SLTM: variants seen among roughly 807,000 people sequenced by gnomAD.
SLTM encodes the protein SAFB like transcription modulator.
SLTM carries 43 observed loss-of-function variants against 134.6 expected under a neutral mutation model. The ratio of observed to expected loss-of-function variants is 0.32; its 90% CI spans 0.25 to 0.41. The LOEUF (loss-of-function observed/expected upper bound fraction) is 0.41. Among genes scored for constraint, SLTM ranks in the 10% least tolerant of loss-of-function variants. The pLI is 1.00. For missense variants in SLTM, 1,055 were observed against 1,288.8 expected (o/e 0.82, Z 2.78); for synonymous variants, 424 against 432.3 (o/e 0.98, Z 0.24).
chr15:58,913,910 T>C, intron 3 of SLTM: 1 of 445,510 alleles, frequency 2.2e-6, no homozygotes, highest in Non-Finnish European at 4.0e-6. Flanking sequence ...CTCAAATTTC[T>C]CACACTAAAA....
At chr15:58,888,609 G>A (rs181429523) in intron 16 of SLTM, 54 bp from the exon 17 acceptor site, 6 of 1,571,558 alleles carry the variant, frequency 3.8e-6, no homozygotes, top group East Asian at 2.2e-5. Context: ...GTAATCAAAC[G>A]ACATTTACTT....
intron 5 of SLTM, among the ~76,000 whole-genome samples, 185 bp downstream of exon 5, chr15:58,912,378 C>T (rs1451594438): frequency 3.9e-5 from 6 of 152,094 alleles, no homozygotes; most frequent in South Asian, 2.1e-4. Flanking sequence ...GGATTACAGG[C>T]GTGAGCTACC....
intron 1 of SLTM, 67 bp from the exon 2 acceptor site, chr15:58,932,510 A>T: frequency 7.9e-7 from 1 of 1,270,096 alleles, no homozygotes; most frequent in Non-Finnish European, 1.1e-6. Flanking sequence ...AAACGAAATG[A>T]AAAAAAATTT....
chr15:58,912,712 A>G (rs538562045), intron 4 of SLTM, 102 bp from the exon 5 acceptor site: 23 of 934,432 alleles, frequency 2.5e-5, no homozygotes, highest in Admixed American at 1.2e-4. Context: ...TGTGTTCTGT[A>G]TAATATCTGC....
chr15:58,930,655 A>G (rs1264702441), intron 2 of SLTM, among the ~76,000 whole-genome samples: 1 of 151,416 alleles, frequency 6.6e-6, no homozygotes, highest in Non-Finnish European at 1.5e-5. Flanking sequence ...TTGAGGCTGC[A>G]AAGAGCTAGG....
chr15:58,910,959 T>G (rs2036229409), intron 5 of SLTM, among the ~76,000 whole-genome samples: 5 of 152,044 alleles, frequency 3.3e-5, no homozygotes, highest in Admixed American at 2.6e-4. Context: ...TTGGCCAGGC[T>G]TGTCTCCAAC....
At chr15:58,931,671 C>A (rs1401350638) in intron 2 of SLTM, among the ~76,000 whole-genome samples, 2 of 152,188 alleles carry the variant, frequency 1.3e-5, no homozygotes, top group African/African-American at 2.4e-5. Context: ...AAGTTCCATT[C>A]ATACTGCAAA....
intron 5 of SLTM, 123 bp from the exon 6 acceptor site, chr15:58,901,410 A>AATAATAT: frequency 1.4e-6 from 1 of 733,130 alleles, no homozygotes; most frequent in Non-Finnish European, 2.3e-6. Context: ...GGGATACCTA[A>AATAATAT]CACTAACAAA....
At chr15:58,920,032 G>A (rs2036911353) in intron 2 of SLTM, among the ~76,000 whole-genome samples, 1 of 152,064 alleles carries the variant, frequency 6.6e-6, no homozygotes, top group African/African-American at 2.4e-5. Flanking sequence ...AATTATCTTT[G>A]AGGCCGGGCG....
intron 14 of SLTM, 104 bp downstream of exon 14, chr15:58,892,793 A>G (rs1330638487): frequency 1.6e-6 from 2 of 1,223,452 alleles, no homozygotes; most frequent in East Asian, 2.4e-5. Context: ...TTAAGGTGGC[A>G]AACAGTTTTC....
At chr15:58,919,192 C>T (rs182245178) in intron 2 of SLTM, among the ~76,000 whole-genome samples, 1 of 152,164 alleles carries the variant, frequency 6.6e-6, no homozygotes, top group Non-Finnish European at 1.5e-5. Context: ...GGATAACAGG[C>T]GTGAGCCACC....
intron 17 of SLTM, 105 bp downstream of exon 17, chr15:58,888,280 G>A: frequency 1.1e-6 from 1 of 932,098 alleles, no homozygotes; most frequent in South Asian, 2.0e-5. Context: ...AAATTGTTCT[G>A]AGCATTCAGT....
chr15:58,928,169 G>A (rs1443515779), intron 2 of SLTM, among the ~76,000 whole-genome samples: 1 of 152,140 alleles, frequency 6.6e-6, no homozygotes, highest in African/African-American at 2.4e-5. Flanking sequence ...ATACTGTACT[G>A]ATTAACCACA....
At chr15:58,897,076 G>A (rs1210608853) in intron 9 of SLTM, 39 bp downstream of exon 9, 1 of 1,179,364 alleles carries the variant, frequency 8.5e-7, no homozygotes, top group Admixed American at 1.7e-5. Flanking sequence ...TTCAAATGCA[G>A]ACACCAGAAA....
At chr15:58,912,096 A>G (rs2036312043) in intron 5 of SLTM, among the ~76,000 whole-genome samples, 1 of 151,576 alleles carries the variant, frequency 6.6e-6, no homozygotes, top group South Asian at 2.1e-4. Context: ...TTCAGCTGCC[A>G]ATAGTTTTTT....
intron 9 of SLTM, among the ~76,000 whole-genome samples, chr15:58,896,419 G>A (rs2035083273): frequency 6.6e-6 from 1 of 152,068 alleles, no homozygotes; most frequent in Non-Finnish European, 1.5e-5. Context: ...AATTAGCCCA[G>A]TGCAGTTGCT....
At chr15:58,884,594 G>T (rs1056878319) in intron 19 of SLTM, among the ~76,000 whole-genome samples, 1 of 152,088 alleles carries the variant, frequency 6.6e-6, no homozygotes, top group South Asian at 2.1e-4. Context: ...TGGGATTACA[G>T]GTGTGAGCCA....
chr15:58,931,888 G>C (rs761041409), intron 2 of SLTM, among the ~76,000 whole-genome samples: 1 of 151,990 alleles, frequency 6.6e-6, no homozygotes, highest in Non-Finnish European at 1.5e-5. Context: ...AAAATTAGGA[G>C]GTATAATGGC....
intron 2 of SLTM, among the ~76,000 whole-genome samples, chr15:58,919,853 CAA>C (rs2036898564): frequency 6.6e-6 from 1 of 152,072 alleles, no homozygotes; most frequent in African/African-American, 2.4e-5. Flanking sequence ...CACAATTTTA[CAA>C]AAGAGAAAAT....
Sources: allele counts gnomAD v4.1 joint callset (sites outside exome capture counted in the v4.1 genomes callset), GRCh38; gene constraint gnomAD v4.1.1; transcripts MANE v1.5; gene names NCBI Gene and HGNC (gene_info 2026-07-23, HGNC 2026-07-21).